The following PGM5 variants were observed in gnomAD, a reference collection of about 807,000 sequenced individuals.
PGM5 encodes phosphoglucomutase 5.
A neutral mutation model predicts 59.2 loss-of-function variants in PGM5; 23 were observed. That is an observed-to-expected ratio of 0.39 (90% CI 0.28 to 0.55). PGM5 has a LOEUF of 0.55. Among genes scored for constraint, PGM5 ranks in the 20% least tolerant of loss-of-function variants. The pLI is 0.66. For synonymous variants in PGM5, 214 were observed against 286.0 expected (o/e 0.75, Z 2.54); for missense variants, 574 against 748.3 (o/e 0.77, Z 2.72).
At chr9:68,467,856 C>T (rs1294196554) in intron 7 of PGM5, among the ~76,000 whole-genome samples, 1 of 151,994 alleles carries the variant, frequency 6.6e-6, no homozygotes, top group Non-Finnish European at 1.5e-5. Context: ...TTGCAACTTC[C>T]TTAGTTGCAA....
At chr9:68,386,298 C>A (rs1159052245) in intron 3 of PGM5, among the ~76,000 whole-genome samples, 3 of 152,010 alleles carry the variant, frequency 2.0e-5, no homozygotes, top group African/African-American at 7.2e-5. Flanking sequence ...TAGGTGTACA[C>A]TTTATACAGG....
chr9:68,368,470 A>T (rs2131980137), intron 1 of PGM5, among the ~76,000 whole-genome samples: 1 of 152,096 alleles, frequency 6.6e-6, no homozygotes, highest in South Asian at 2.1e-4. Context: ...AAGAAGATGC[A>T]GGTCAGGACA....
intron 6 of PGM5, among the ~76,000 whole-genome samples, chr9:68,407,975 GT>G (rs1368154832): frequency 6.6e-6 from 1 of 152,098 alleles, no homozygotes; most frequent in African/African-American, 2.4e-5. Context: ...TATTATGGCT[GT>G]TTTTTTGCTT....
At chr9:68,377,262 C>T (rs539761424) in intron 1 of PGM5, among the ~76,000 whole-genome samples, 99 of 152,166 alleles carry the variant, frequency 6.5e-4, no homozygotes, top group Non-Finnish European at 1.1e-3. Context: ...CAGGTGATGC[C>T]CATGTTGCCA....
chr9:68,487,123 T>G (rs1824308297), intron 9 of PGM5, among the ~76,000 whole-genome samples: 1 of 152,160 alleles, frequency 6.6e-6, no homozygotes, highest in Non-Finnish European at 1.5e-5. Context: ...GGAGGCAGGT[T>G]GTTGTGGTTC....
chr9:68,419,210 T>G (rs1017526349), intron 6 of PGM5, among the ~76,000 whole-genome samples: 32 of 150,794 alleles, frequency 2.1e-4, no homozygotes, highest in African/African-American at 7.8e-4. Context: ...GTGTAGATTT[T>G]GTTGTCTAAG....
chr9:68,466,235 C>T, intron 7 of PGM5: 1 of 1,213,660 alleles, frequency 8.2e-7, no homozygotes, highest in African/African-American at 1.6e-5. Context: ...TGCTGATGAG[C>T]CTGTTGAAGG....
intron 2 of PGM5, among the ~76,000 whole-genome samples, chr9:68,380,304 A>T (rs1563986469): frequency 6.6e-6 from 1 of 152,070 alleles, no homozygotes; most frequent in Non-Finnish European, 1.5e-5. Flanking sequence ...ATCTTGGAAA[A>T]TTTACAAATA....
rs868908072 is a variant in PGM5, at chr9:68,484,389, A to G, written c.1479+341A>G. Among the ~76,000 whole-genome samples the G allele has an allele frequency of 2.1e-3, 323 of 151,720 alleles. 3 individuals carry two copies. The highest frequency in any genetic ancestry group is 7.1e-3 in the African/African-American group (293 of 41,324). ...CATCTCTACCAAAAAAAAAAAAAAAAAATAGCTGGGCATGGTGGCACACAA... is the reference window on the plus strand; with the variant it reads ...CATCTCTACCAAAAAAAAAAAAAAAGAATAGCTGGGCATGGTGGCACACAA... On this transcript the variant is annotated intron_variant, in intron 9 of 10. Coordinates refer to ENST00000396396, the MANE Select transcript of PGM5 (RefSeq NM_021965.4).
rs533607878 is a variant in PGM5, at chr9:68,463,620, T to G, written c.1044-1473T>G. Among the ~76,000 whole-genome samples, 22 of 152,304 alleles carry G rather than the reference T, an allele frequency of 1.4e-4. No individual in the cohort carries two copies. In the East Asian group the frequency reaches 4.0e-3, roughly 28 times the overall value. ...AACTTGACTTCTCTGAGCCTGAAAC[T>G]TGACAGCATTGATAAGTTTTCGCTG... On this transcript the variant is annotated intron_variant, in intron 6 of 10. Coordinates refer to ENST00000396396, the MANE Select transcript of PGM5 (RefSeq NM_021965.4).
rs925741087 is a variant in PGM5, at chr9:68,439,146, T to G, written c.1044-25947T>G. Among the ~76,000 whole-genome samples, 3 of 152,028 alleles carry G rather than the reference T, an allele frequency of 2.0e-5. No individual in the cohort carries two copies. The South Asian group carries it at 6.2e-4, about 32-fold the overall frequency. ...GGGAGGCTGATGTGGGAGGATTACT[T>G]GAGCCCAGGAGTTCAAGGCCAGCCT... On this transcript the variant is annotated intron_variant, in intron 6 of 10. Transcript: ENST00000396396.
intron 1 of PGM5, among the ~76,000 whole-genome samples, chr9:68,376,241 G>T (rs2131989197): frequency 6.6e-6 from 1 of 152,218 alleles, no homozygotes; most frequent in East Asian, 1.9e-4. Context: ...GATTCTGGTT[G>T]TACTTAGAAT....
intron 6 of PGM5, chr9:68,464,487 A>T (rs1378552742): frequency 6.6e-6 from 1 of 152,394 alleles, no homozygotes; most frequent in Non-Finnish European, 1.5e-5. Context: ...CAGTCATTGC[A>T]TGTGGATTAA....
chr9:68,460,951 G>A (rs1021532952), intron 6 of PGM5, among the ~76,000 whole-genome samples: 17 of 152,260 alleles, frequency 1.1e-4, no homozygotes, highest in East Asian at 5.8e-4. Flanking sequence ...CCCATACCAC[G>A]GAAGCTCCGC....
intron 1 of PGM5, chr9:68,357,605 C>T (rs536298605): frequency 2.8e-6 from 2 of 718,664 alleles, no homozygotes; most frequent in Non-Finnish European, 4.4e-6. Flanking sequence ...GTACCCACCG[C>T]CCCCAAAAGC....
intron 9 of PGM5, among the ~76,000 whole-genome samples, chr9:68,487,634 G>C (rs1172708698): frequency 6.6e-6 from 1 of 152,088 alleles, no homozygotes; most frequent in Non-Finnish European, 1.5e-5. Flanking sequence ...TCCCAAGGTA[G>C]TGGGAGATTC....
chr9:68,360,388 T>A lies in PGM5; in HGVS notation c.261+3000T>A, dbSNP rs555484848. On this transcript the variant is annotated intron_variant, in intron 1 of 10. Coordinates refer to ENST00000396396, the MANE Select transcript of PGM5 (RefSeq NM_021965.4). Reference sequence around the variant, plus strand: ...ACATTATAAATTTAAACAACTTTTTTAAAAATTTATTTTGGGATTTCCCAT... The same window carrying A: ...ACATTATAAATTTAAACAACTTTTTAAAAAATTTATTTTGGGATTTCCCAT... 7.9e-3 allele frequency among the ~76,000 whole-genome samples: 1,170 copies of A among 148,112 alleles called. 6 individuals are homozygous for A. Among genetic ancestry groups the A allele is most frequent in the African/African-American group, 0.024 (994 of 40,732 alleles).
At chr9:68,419,922 C>T (rs1449640833) in intron 6 of PGM5, among the ~76,000 whole-genome samples, 4 of 152,140 alleles carry the variant, frequency 2.6e-5, no homozygotes, top group Non-Finnish European at 5.9e-5. Context: ...AATCAGATTC[C>T]CATCAGGCTT....
At chr9:68,392,536 T>C (rs1303476056) in intron 6 of PGM5, 63 bp downstream of exon 6, 8 of 1,591,280 alleles carry the variant, frequency 5.0e-6, no homozygotes, top group Non-Finnish European at 6.0e-6. Flanking sequence ...GTCTCCTTTG[T>C]TGGTTGCTGG....
Sources: gnomAD v4.1 joint callset for allele counts (sites outside exome capture counted in the v4.1 genomes callset) on GRCh38, gnomAD v4.1.1 for gene constraint, MANE v1.5 for transcripts, NCBI Gene and HGNC (gene_info 2026-07-23, HGNC 2026-07-21) for gene names.